The following CFAP57 variants were observed in gnomAD, a reference collection of about 807,000 sequenced individuals.
CFAP57 encodes the protein cilia and flagella associated protein 57.
Under a neutral mutation model 146.8 loss-of-function variants are expected in CFAP57, and 116 were observed. That is an observed-to-expected ratio of 0.79 (90% CI 0.68 to 0.92). The LOEUF (loss-of-function observed/expected upper bound fraction) is 0.92. Ranked by LOEUF, CFAP57 falls within the 40% of genes least tolerant of loss-of-function variation. The probability of loss-of-function intolerance (pLI) is 0.00; values close to 1 mark genes in which losing one functional copy is unlikely to be tolerated. For synonymous variants in CFAP57, 518 were observed against 552.8 expected (o/e 0.94, Z 0.88); for missense variants, 1,377 against 1,527.2 (o/e 0.90, Z 1.64).
Position 43,201,907 on chromosome 1 carries a change from G to A in CFAP57, c.1542+2404G>A, listed in dbSNP as rs563360436. The stretch of plus-strand genomic sequence containing the variant: ...TGGGATTACAGGCGTGAGCCACCGC[G>A]CCTGGCCCACGGACATTATTAATGA... On this transcript the variant is annotated intron_variant, in intron 9 of 22. Transcript: ENST00000372492. The surrounding 1 kb of genome is among the most constrained non-coding windows in gnomAD (Gnocchi z 4.4). 3.9e-4 allele frequency among the ~76,000 whole-genome samples: 59 copies of A among 152,308 alleles called. No individual in the cohort carries two copies. Among genetic ancestry groups the A allele is most frequent in the African/African-American group, 1.3e-3 (53 of 41,552 alleles).
Position 43,229,334 on chromosome 1 carries a change from A to G in CFAP57, c.3009+2208A>G, listed in dbSNP as rs1174742607. Among the ~76,000 whole-genome samples the G allele has an allele frequency of 2.0e-5, 3 of 148,608 alleles. 1 individual carries two copies. Among genetic ancestry groups the G allele is most frequent in the African/African-American group, 7.5e-5 (3 of 39,740 alleles). ...GGCCTTGATGCTCAGCAGGGAATAC[A>G]CTTGCACCTTGGGAGTGATTCCAGC... On this transcript the variant is annotated intron_variant, in intron 18 of 22. Coordinates refer to ENST00000372492, the MANE Select transcript of CFAP57 (RefSeq NM_001378189.1).
rs1645526645 is a variant in CFAP57, at chr1:43,183,918, A to G, written c.761+41A>G. 3 of 1,611,410 alleles carry G rather than the reference A, an allele frequency of 1.9e-6. No homozygotes were observed. The African/African-American group carries it at 4.0e-5, about 22-fold the overall frequency. ...GGGCTGGTGCTCCCACATTCATTGTACTGACAGCATTATGCAGAAGACAGC... is the reference window on the plus strand; with the variant it reads ...GGGCTGGTGCTCCCACATTCATTGTGCTGACAGCATTATGCAGAAGACAGC... On this transcript the variant is annotated intron_variant, in intron 4 of 22. Transcript: ENST00000372492.
chr1:43,224,318 A>C, intron 17 of CFAP57, 114 bp downstream of exon 17: 1 of 1,239,684 alleles, frequency 8.1e-7, no homozygotes, highest in Non-Finnish European at 1.1e-6. Context: ...CTTTAACTTG[A>C]TGGGGGAACC....
rs1643910821 is a variant in CFAP57 at position 43,197,401 on chromosome 1, C to G, written c.1123-152C>G. 10 of 729,616 alleles carry G rather than the reference C, an allele frequency of 1.4e-5. 1 individual carries two copies. The South Asian group carries it at 2.3e-4, about 17-fold the overall frequency. 45.2% of individuals were successfully genotyped at this position (729,616 alleles called of 1,614,324 possible). On this transcript the variant is annotated intron_variant, in intron 6 of 22. Coordinates refer to ENST00000372492, the MANE Select transcript of CFAP57 (RefSeq NM_001378189.1). Reference sequence around the variant, plus strand: ...ATAAAAAATAATAATAATATTGGCTCAGGAAAATATGCATAATATTCAAAC... The same window carrying G: ...ATAAAAAATAATAATAATATTGGCTGAGGAAAATATGCATAATATTCAAAC...
Position 43,172,828 on chromosome 1 carries a change from C to G in CFAP57, c.75C>G (p.Phe25Leu). Reference protein sequence around the residue: ...RSHVANNIFYFDEQIIIFPSG... With the variant: ...RSHVANNIFYLDEQIIIFPSG... ...ACGTGGCCAACAATATCTTCTACTT[C>G]GATGAACAGATCATTATATTTCCTT... is the stretch of plus-strand genomic sequence containing the variant. Residue 25 changes from phenylalanine to leucine, a missense_variant, in exon 2 of 23, where the codon TTC (phenylalanine) becomes TTG (leucine). Coordinates refer to ENST00000372492, the MANE Select transcript of CFAP57 (RefSeq NM_001378189.1). 1 of 1,614,056 alleles carries G rather than the reference C, an allele frequency of 6.2e-7. No individual in the cohort carries two copies. The highest frequency in any genetic ancestry group is 8.5e-7 in the Non-Finnish European group (1 of 1,179,938).
intron 10 of CFAP57, 150 bp from the exon 11 acceptor site, chr1:43,209,593 C>A: frequency 1.4e-6 from 1 of 737,084 alleles, no homozygotes; most frequent in Non-Finnish European, 2.3e-6. Context: ...GTGCTAGGCA[C>A]TATACCGGAT....
At position 43,186,876 on chromosome 1, in the gene CFAP57, A is replaced by G. The variant is rs748531078; in HGVS notation, c.1122+17A>G. The G allele has an allele frequency of 5.0e-6, 8 of 1,613,918 alleles. No individual in the cohort carries two copies. In the African/African-American group the frequency reaches 1.1e-4, roughly 22 times the overall value. Reference sequence around the variant, plus strand: ...ATCAGCAAGGTGAGTCTTTCCAGCAATGGTCCTTCCAGACCAGGACCTATC... The same window carrying G: ...ATCAGCAAGGTGAGTCTTTCCAGCAGTGGTCCTTCCAGACCAGGACCTATC... On this transcript the variant is annotated intron_variant, in intron 6 of 22. Coordinates refer to ENST00000372492, the MANE Select transcript of CFAP57 (RefSeq NM_001378189.1).
chr1:43,182,303 A>G (rs1324068237), intron 3 of CFAP57, among the ~76,000 whole-genome samples: 1 of 152,228 alleles, frequency 6.6e-6, no homozygotes, highest in East Asian at 1.9e-4. Flanking sequence ...TATGTAAGGA[A>G]CAGAACCTTC....
chr1:43,203,843 TGG>T, intron 9 of CFAP57, among the ~76,000 whole-genome samples: 1 of 152,346 alleles, frequency 6.6e-6, no homozygotes, highest in South Asian at 2.1e-4. Context: ...TTATCCTACT[TGG>T]AGTTTATTGT....
At chr1:43,204,394 C>T (rs1324056394) in intron 9 of CFAP57, among the ~76,000 whole-genome samples, 1 of 145,724 alleles carries the variant, frequency 6.9e-6, no homozygotes. Flanking sequence ...ATTGGTTACA[C>T]TCTTTTTGTT....
intron 2 of CFAP57, among the ~76,000 whole-genome samples, chr1:43,180,201 T>C (rs1310674959): frequency 2.1e-5 from 3 of 143,592 alleles, no homozygotes; most frequent in African/African-American, 8.0e-5. Flanking sequence ...AGTGAAACTC[T>C]ATCTCAAAAA....
At chr1:43,203,197 C>CAA (rs1424622622) in intron 9 of CFAP57, among the ~76,000 whole-genome samples, 2 of 151,684 alleles carry the variant, frequency 1.3e-5, no homozygotes, top group East Asian at 3.9e-4. Context: ...CAAAACAAAA[C>CAA]AAGAAGAATC....
chr1:43,212,880 G>C (rs187584061), intron 11 of CFAP57, among the ~76,000 whole-genome samples: 1 of 150,058 alleles, frequency 6.7e-6, no homozygotes, highest in Admixed American at 6.7e-5. Context: ...ATTTCAGTGA[G>C]CTGGGAGATC....
chr1:43,200,432 A>C (rs1453567623), intron 9 of CFAP57, among the ~76,000 whole-genome samples: 5 of 151,586 alleles, frequency 3.3e-5, no homozygotes, highest in Non-Finnish European at 7.4e-5. Context: ...GGCTGCAATA[A>C]GCCATGATCA....
At chr1:43,218,397 C>T (rs898703104) in intron 12 of CFAP57, among the ~76,000 whole-genome samples, 2 of 152,112 alleles carry the variant, frequency 1.3e-5, no homozygotes, top group African/African-American at 2.4e-5. Context: ...CCCAAGAGTT[C>T]GAGACCAGCC....
intron 22 of CFAP57, chr1:43,250,266 A>G (rs1176511972): frequency 6.6e-6 from 1 of 152,234 alleles, no homozygotes; most frequent in African/African-American, 2.4e-5. Flanking sequence ...CTGGTTTTAC[A>G]TGGTTATACG....
chr1:43,180,238 T>TATATATATATATATATATAA (rs1363991276), intron 2 of CFAP57, among the ~76,000 whole-genome samples: 28 of 137,824 alleles, frequency 2.0e-4, no homozygotes, highest in Admixed American at 1.4e-3. Context: ...TATATATATA[T>TATATATATATATATATATAA]AAAATATATA....
chr1:43,174,105 G>T (rs1338922459), intron 2 of CFAP57, among the ~76,000 whole-genome samples: 2 of 151,988 alleles, frequency 1.3e-5, no homozygotes, highest in Non-Finnish European at 2.9e-5. Context: ...TGTTGTGCAG[G>T]ATATTTTTGG....
chr1:43,210,579 G>T (rs1644559765), intron 11 of CFAP57: 1 of 264,970 alleles, frequency 3.8e-6, no homozygotes, highest in Non-Finnish European at 6.1e-6. Flanking sequence ...ACCACAAAAA[G>T]ATAAGTACAG....
Sources: gnomAD v4.1 joint callset for allele counts (sites outside exome capture counted in the v4.1 genomes callset) on GRCh38, gnomAD v4.1.1 for gene constraint, Gnocchi (gnomAD v3.1) non-coding constraint, MANE v1.5 for transcripts, NCBI Gene and HGNC (gene_info 2026-07-23, HGNC 2026-07-21) for gene names.